ALDH1A2: variants seen among roughly 807,000 people sequenced by gnomAD.
The protein encoded by ALDH1A2 is aldehyde dehydrogenase 1 family member A2.
Under a neutral mutation model 60.3 loss-of-function variants are expected in ALDH1A2, and 27 were observed. That is an observed-to-expected ratio of 0.45 (90% CI 0.33 to 0.62). The LOEUF (loss-of-function observed/expected upper bound fraction) is 0.62. ALDH1A2 is among the 20% of genes least tolerant of loss of function. The probability of loss-of-function intolerance (pLI) is 0.02; values close to 1 mark genes in which losing one functional copy is unlikely to be tolerated. For missense variants in ALDH1A2, 581 were observed against 643.8 expected (o/e 0.90, Z 1.06); for synonymous variants, 289 against 232.4 (o/e 1.24, Z -2.21).
intron 7 of ALDH1A2, among the ~76,000 whole-genome samples, chr15:57,984,917 T>C (rs1894644957): frequency 6.6e-6 from 1 of 152,342 alleles, no homozygotes; most frequent in East Asian, 1.9e-4. Flanking sequence ...TATGGAGTAT[T>C]ACATTGATTT....
At position 57,955,105 on chromosome 15, in the gene ALDH1A2, G is replaced by T; in HGVS notation, c.*92C>A. 3 of 1,326,794 alleles carry T rather than the reference G, an allele frequency of 2.3e-6. No homozygotes were observed. The highest frequency in any genetic ancestry group is 3.3e-6 in the Non-Finnish European group (3 of 917,898). The allele number at this position is 1,326,794 out of a possible 1,614,324, so 82.2% of individuals were successfully genotyped here. ...TTTCAATCTTTAAGTAAGGACCGTG[G>T]CTCAACTTTGTATTCCTGAGAGCTG... is the stretch of plus-strand genomic sequence containing the variant. On this transcript the variant is annotated 3_prime_UTR_variant, in exon 13 of 13. Transcript: ENST00000249750.
chr15:57,989,038 C>T (rs1365521989), intron 7 of ALDH1A2, among the ~76,000 whole-genome samples: 1 of 152,056 alleles, frequency 6.6e-6, no homozygotes, highest in Non-Finnish European at 1.5e-5. Flanking sequence ...CATGGTGGTG[C>T]GTGCCTGTAG....
chr15:57,997,827 C>T (rs2140497599), intron 4 of ALDH1A2, among the ~76,000 whole-genome samples: 1 of 152,038 alleles, frequency 6.6e-6, no homozygotes, highest in African/African-American at 2.4e-5. Flanking sequence ...ATTTGAAAAG[C>T]ATTTAGCTAC....
intron 1 of ALDH1A2, among the ~76,000 whole-genome samples, chr15:58,016,913 AC>A (rs1895804657): frequency 6.6e-6 from 1 of 152,310 alleles, no homozygotes; most frequent in African/African-American, 2.4e-5. Flanking sequence ...CTTCCATTAA[AC>A]AAAGTTAAGA....
intron 7 of ALDH1A2, among the ~76,000 whole-genome samples, chr15:57,983,878 A>G (rs1177412521): frequency 6.6e-6 from 1 of 152,244 alleles, no homozygotes; most frequent in Admixed American, 6.5e-5. Context: ...TTAAATTTTC[A>G]TGTCCTATAT....
chr15:58,023,534 C>T (rs1012676835), intron 1 of ALDH1A2, among the ~76,000 whole-genome samples: 1 of 151,684 alleles, frequency 6.6e-6, no homozygotes, highest in Non-Finnish European at 1.5e-5. Flanking sequence ...AGAGAAAATC[C>T]TAACAACAGC....
rs1236415698 is a variant in ALDH1A2, at chr15:57,963,997, C to A, written c.974G>T (p.Arg325Leu). 1.2e-6 allele frequency: 2 copies of A among 1,614,078 alleles called. No individual in the cohort carries two copies. Among genetic ancestry groups the A allele is most frequent in the Non-Finnish European group, 1.7e-6 (2 of 1,180,044 alleles). ...ATAGATGGACTCCTCCACGAAGATG[C>A]GAGAGCCTGCAGTGCAGCACTGACC... ...NQGQCCTAGS[R>L]IFVEESIYEE... The change falls in exon 9 of 13, where the codon CGC (arginine) becomes CTC (leucine). Residue 325 changes from arginine (R) to leucine (L), a missense_variant. Transcript: ENST00000249750.
intron 1 of ALDH1A2, among the ~76,000 whole-genome samples, chr15:58,029,652 C>G (rs1896178279): frequency 6.6e-6 from 1 of 150,794 alleles, no homozygotes; most frequent in Admixed American, 6.6e-5. Context: ...AGATATACTG[C>G]TAGCAAGACT....
intron 7 of ALDH1A2, chr15:57,990,171 C>T (rs1894846063): frequency 6.6e-6 from 1 of 152,180 alleles, no homozygotes; most frequent in Non-Finnish European, 1.5e-5. Context: ...AAAAGATTAA[C>T]ATACCTAACC....
chr15:58,002,405 T>C (rs549106994), intron 4 of ALDH1A2, among the ~76,000 whole-genome samples: 4 of 152,088 alleles, frequency 2.6e-5, no homozygotes, highest in East Asian at 3.9e-4. Flanking sequence ...AATTTAATTA[T>C]TTGGATAATT....
chr15:57,983,374 C>T (rs1223447542), intron 7 of ALDH1A2, among the ~76,000 whole-genome samples: 1 of 152,152 alleles, frequency 6.6e-6, no homozygotes, highest in African/African-American at 2.4e-5. Flanking sequence ...TTCCTTTCCT[C>T]GAATTTCTTT....
At chr15:57,974,874 CAAT>C (rs1271053276) in intron 7 of ALDH1A2, among the ~76,000 whole-genome samples, 9 of 152,160 alleles carry the variant, frequency 5.9e-5, no homozygotes, top group African/African-American at 2.2e-4. Context: ...CATAATTCAA[CAAT>C]GAGGAAAACA....
chr15:58,044,140 A>G (rs891602650), intron 1 of ALDH1A2, among the ~76,000 whole-genome samples: 1 of 151,962 alleles, frequency 6.6e-6, no homozygotes, highest in Admixed American at 6.6e-5. Flanking sequence ...CTGCATCTCT[A>G]TCATGATGCT....
intron 1 of ALDH1A2, chr15:58,057,898 A>G (rs1267082179): frequency 4.4e-6 from 2 of 457,834 alleles, no homozygotes; most frequent in Non-Finnish European, 3.3e-6. Context: ...CTCTGGCTAC[A>G]GCCAAAAATA....
At position 57,965,830 on chromosome 15, in the gene ALDH1A2, G is replaced by T; in HGVS notation, c.799-3C>A. 1 of 1,612,850 alleles carries T rather than the reference G, an allele frequency of 6.2e-7. No homozygotes were observed. Among genetic ancestry groups the T allele is most frequent in the Non-Finnish European group, 8.5e-7 (1 of 1,178,866 alleles). On this transcript the variant is annotated splice_polypyrimidine_tract_variant and splice_region_variant and intron_variant, in intron 7 of 12. Transcript: ENST00000249750. ...GCTTCTTGGATAAGCTTTCCAACCT[G>T]AAAGAAGGGAAATGGAGACAGGTTT...
intron 1 of ALDH1A2, among the ~76,000 whole-genome samples, chr15:58,047,923 T>C (rs1448856700): frequency 1.3e-5 from 2 of 152,082 alleles, no homozygotes; most frequent in Non-Finnish European, 2.9e-5. Context: ...TATAGGGACA[T>C]GGGCTTTGTT....
chr15:57,981,796 A>C (rs1209046045), intron 7 of ALDH1A2, among the ~76,000 whole-genome samples: 2 of 152,350 alleles, frequency 1.3e-5, no homozygotes, highest in Middle Eastern at 3.4e-3. Flanking sequence ...TTTACTAAGA[A>C]TTAGATCCAG....
In ALDH1A2 at chr15:58,065,295, G is replaced by A. The variant is rs1897148116; in HGVS notation, c.117+239C>T. On this transcript the variant is annotated intron_variant, in intron 1 of 12. Transcript: ENST00000249750. ...TCCGGGGCAGGAGCCGTTGACGGCT[G>A]CCCCTCAACGCTGCGCTTCGGGTTG... 19 of 546,354 alleles carry A rather than the reference G, an allele frequency of 3.5e-5. 1 individual carries two copies. The highest frequency in any genetic ancestry group is 3.4e-4 in the South Asian group (17 of 50,476). 33.8% of individuals were successfully genotyped at this position (546,354 alleles called of 1,614,324 possible). A position where few individuals can be genotyped will look rare whatever the true frequency, so the allele number is the denominator to read the frequency against.
At chr15:57,971,356 G>GTAAC (rs1894060927) in intron 7 of ALDH1A2, among the ~76,000 whole-genome samples, 1 of 152,128 alleles carries the variant, frequency 6.6e-6, no homozygotes, top group African/African-American at 2.4e-5. Flanking sequence ...TGCTATGTAC[G>GTAAC]TAACTCTCAC....
Sources: gnomAD v4.1 joint callset for allele counts (sites outside exome capture counted in the v4.1 genomes callset) on GRCh38, gnomAD v4.1.1 for gene constraint, MANE v1.5 for transcripts, NCBI Gene and HGNC (gene_info 2026-07-23, HGNC 2026-07-21) for gene names.